Variants in KCNQ5 observed in about 807,000 individuals in gnomAD.
KCNQ5 encodes the protein potassium voltage-gated channel subfamily Q member 5.
A neutral mutation model predicts 98.2 loss-of-function variants in KCNQ5; 30 were observed. That is an observed-to-expected ratio of 0.31 (90% CI 0.23 to 0.41). The LOEUF is 0.41. Among genes scored for constraint, KCNQ5 ranks in the 10% least tolerant of loss-of-function variants. KCNQ5 has a pLI of 1.00. For synonymous variants in KCNQ5, 458 were observed against 449.4 expected, an observed-to-expected ratio of 1.02 and a Z score of -0.24; for missense variants, 835 against 1,182.5, an observed-to-expected ratio of 0.71 and a Z score of 4.31.
chr6:73,104,934 G>A (rs1261329052), intron 5 of KCNQ5, among the ~76,000 whole-genome samples: 2 of 152,142 alleles, frequency 1.3e-5, no homozygotes, highest in African/African-American at 4.8e-5. Context: ...TATTATTTGT[G>A]TACTGATCCA....
intron 1 of KCNQ5, among the ~76,000 whole-genome samples, chr6:72,727,372 A>G (rs1339620558): frequency 6.6e-6 from 1 of 152,246 alleles, no homozygotes; most frequent in Non-Finnish European, 1.5e-5. Flanking sequence ...TAAGATTGTC[A>G]TCTTATAATA....
At chr6:72,677,161 A>C (rs1767458258) in intron 1 of KCNQ5, 2 of 152,186 alleles carry the variant, frequency 1.3e-5, no homozygotes, top group Admixed American at 1.3e-4. Flanking sequence ...CTCCGTGTTG[A>C]CATGTGGTCA....
chr6:72,999,380 A>T (rs1390119604), intron 1 of KCNQ5, among the ~76,000 whole-genome samples: 1 of 152,220 alleles, frequency 6.6e-6, no homozygotes, highest in African/African-American at 2.4e-5. Flanking sequence ...AAAGATCTAG[A>T]TCAAAATGAA....
At chr6:73,009,831 A>G (rs527619368) in intron 2 of KCNQ5, among the ~76,000 whole-genome samples, 22 of 152,290 alleles carry the variant, frequency 1.4e-4, no homozygotes, top group African/African-American at 5.3e-4. Context: ...TCACAAAGAA[A>G]TAGAAACCGA....
chr6:72,900,070 T>G (rs1779424316), intron 1 of KCNQ5, among the ~76,000 whole-genome samples: 1 of 152,096 alleles, frequency 6.6e-6, no homozygotes, highest in African/African-American at 2.4e-5. Context: ...ACCCCTGACC[T>G]CGTGATCCAC....
intron 1 of KCNQ5, among the ~76,000 whole-genome samples, chr6:72,788,800 G>C (rs1440909132): frequency 6.6e-6 from 1 of 151,852 alleles, no homozygotes; most frequent in Non-Finnish European, 1.5e-5. Context: ...TTCTTCAAAG[G>C]CTTTTTAAGT....
chr6:73,133,758 A>G, intron 10 of KCNQ5, 117 bp downstream of exon 10: 1 of 911,370 alleles, frequency 1.1e-6, no homozygotes, highest in Non-Finnish European at 1.7e-6. Flanking sequence ...CCCCAGAGAA[A>G]GAATTGTTTG....
chr6:73,178,941 C>CT lies in KCNQ5; in HGVS notation c.1577+9088dup, dbSNP rs537201184. ...CAATAGTGACCCAAATTATCAAGCT[C>CT]TGCAGCCCTAGTTGTCTGCTGGATT... On this transcript the variant is annotated intron_variant, in intron 11 of 13. Coordinates refer to ENST00000370398, the MANE Select transcript of KCNQ5 (RefSeq NM_019842.4). 1.3e-3 allele frequency among the ~76,000 whole-genome samples: 205 copies of CT among 152,304 alleles called. 5 individuals are homozygous for CT. The highest frequency in any genetic ancestry group is 0.012 in the Admixed American group (187 of 15,298).
rs1211610752 is a variant in KCNQ5, at chr6:72,924,372, G to A, written c.399-79536G>A. 3.9e-5 allele frequency among the ~76,000 whole-genome samples: 6 copies of A among 152,084 alleles called. No homozygotes were observed. The East Asian group carries it at 1.2e-3, about 29-fold the overall frequency. On this transcript the variant is annotated intron_variant, in intron 1 of 13. Transcript: ENST00000370398. ...AATTAATATTGGAACTATCAAGTCA[G>A]TAATTTTATTTGAAAGTGAAAACTA...
chr6:72,845,074 T>C (rs994875665), intron 1 of KCNQ5, among the ~76,000 whole-genome samples: 2 of 152,194 alleles, frequency 1.3e-5, no homozygotes, highest in Non-Finnish European at 2.9e-5. Context: ...AAAACTATTG[T>C]TTGGAAAATC....
chr6:72,883,767 C>T (rs1177799963), intron 1 of KCNQ5, among the ~76,000 whole-genome samples: 1 of 152,026 alleles, frequency 6.6e-6, no homozygotes, highest in Non-Finnish European at 1.5e-5. Flanking sequence ...TAAGAGGAGA[C>T]CAGGCGGCCA....
chr6:73,154,824 T>C (rs530006416), intron 10 of KCNQ5, among the ~76,000 whole-genome samples: 52 of 152,350 alleles, frequency 3.4e-4, no homozygotes, highest in African/African-American at 1.1e-3. Context: ...GTAAACATTA[T>C]GTGGAAATTT....
chr6:72,867,961 C>CTAATAA (rs1491459442), intron 1 of KCNQ5, among the ~76,000 whole-genome samples: 1 of 151,102 alleles, frequency 6.6e-6, no homozygotes. Flanking sequence ...ACTACTACTA[C>CTAATAA]TACTACTACT....
chr6:72,806,572 G>GAAGGC (rs1178264491), intron 1 of KCNQ5, among the ~76,000 whole-genome samples: 1 of 152,126 alleles, frequency 6.6e-6, no homozygotes, highest in African/African-American at 2.4e-5. Flanking sequence ...AATAAGCAGA[G>GAAGGC]AATCATAATA....
intron 3 of KCNQ5, among the ~76,000 whole-genome samples, chr6:73,054,667 C>A (rs1464617090): frequency 6.6e-6 from 1 of 152,174 alleles, no homozygotes; most frequent in Non-Finnish European, 1.5e-5. Context: ...AAACCCTCAA[C>A]AAACTAGGCA....
intron 1 of KCNQ5, among the ~76,000 whole-genome samples, chr6:72,983,317 G>A (rs1472617969): frequency 1.3e-5 from 2 of 152,180 alleles, no homozygotes; most frequent in Non-Finnish European, 2.9e-5. Context: ...CCAATCAAAT[G>A]TAGATTTTGT....
intron 1 of KCNQ5, among the ~76,000 whole-genome samples, chr6:72,685,359 A>G (rs940197809): frequency 1.3e-5 from 2 of 152,226 alleles, no homozygotes; most frequent in African/African-American, 4.8e-5. Context: ...ACAAAACTAT[A>G]TGCATTCCAA....
intron 1 of KCNQ5, among the ~76,000 whole-genome samples, chr6:72,675,548 CCAGA>C (rs112857332): frequency 4.3e-4 from 66 of 152,270 alleles, no homozygotes; most frequent in African/African-American, 1.5e-3. Flanking sequence ...TTGCATCTTA[CCAGA>C]CAAACAATCT....
chr6:72,859,552 G>T (rs1470440319), intron 1 of KCNQ5, among the ~76,000 whole-genome samples: 3 of 151,074 alleles, frequency 2.0e-5, no homozygotes. Context: ...CTTGTGTCTT[G>T]TGCCTGCTTC....
Sources: gnomAD v4.1 joint callset for allele counts (sites outside exome capture counted in the v4.1 genomes callset) on GRCh38, gnomAD v4.1.1 for gene constraint, MANE v1.5 for transcripts, NCBI Gene and HGNC (gene_info 2026-07-23, HGNC 2026-07-21) for gene names.